The following HMGCLL1 variants were observed in gnomAD, a reference collection of about 807,000 sequenced individuals.
HMGCLL1 encodes 3-hydroxymethyl-3-methylglutaryl-CoA lyase, cytoplasmic.
HMGCLL1 carries 36 observed loss-of-function variants against 39.1 expected under a neutral mutation model. That is an observed-to-expected ratio of 0.92 (90% CI 0.71 to 1.22). The LOEUF is 1.22. Among genes scored for constraint, HMGCLL1 ranks in the 50% most tolerant of loss-of-function variants. HMGCLL1 has a pLI of 0.00. For synonymous variants in HMGCLL1, 149 were observed against 144.0 expected (o/e 1.03, Z -0.25); for missense variants, 451 against 416.5 (o/e 1.08, Z -0.72).
At chr6:55,655,203 T>C in the HMGCLL1 span, among the ~76,000 whole-genome samples, 1 of 152,000 alleles carries the variant, frequency 6.6e-6, no homozygotes, top group African/African-American at 2.4e-5. Context: ...ATCTTTCTAC[T>C]TATTTCATTT....
intron 7 of HMGCLL1, among the ~76,000 whole-genome samples, chr6:55,477,027 C>A (rs1240086713): frequency 9.4e-6 from 1 of 106,584 alleles, no homozygotes; most frequent in Non-Finnish European, 2.1e-5. Flanking sequence ...TGGGTATATA[C>A]CCAGTAATGG....
chr6:55,440,032 T>A (rs570128838), intron 7 of HMGCLL1, among the ~76,000 whole-genome samples: 1 of 152,072 alleles, frequency 6.6e-6, no homozygotes, highest in South Asian at 2.1e-4. Flanking sequence ...TGAAATAGGG[T>A]TTTGTGGGCT....
At chr6:55,542,973 T>A (rs1227481897) in intron 1 of HMGCLL1, among the ~76,000 whole-genome samples, 6 of 111,694 alleles carry the variant, frequency 5.4e-5, no homozygotes, top group African/African-American at 2.4e-4. Flanking sequence ...ATAATATATA[T>A]TATAAATAAT....
intron 3 of HMGCLL1, among the ~76,000 whole-genome samples, chr6:55,519,176 GA>G (rs1767903298): frequency 6.6e-6 from 1 of 152,082 alleles, no homozygotes; most frequent in African/African-American, 2.4e-5. Flanking sequence ...TGGGTGTTGA[GA>G]AAGGAGAAGA....
chr6:55,599,474 C>T, the HMGCLL1 span, among the ~76,000 whole-genome samples: 1 of 152,010 alleles, frequency 6.6e-6, no homozygotes, highest in Non-Finnish European at 1.5e-5. Flanking sequence ...GAAGATTATC[C>T]TTCCATATTG....
At chr6:55,585,291 G>T in the HMGCLL1 span, among the ~76,000 whole-genome samples, 1 of 152,054 alleles carries the variant, frequency 6.6e-6, no homozygotes. Context: ...TAATTCAGAA[G>T]GATCCAAAAG....
intron 4 of HMGCLL1, among the ~76,000 whole-genome samples, chr6:55,514,661 G>T (rs1424495711): frequency 6.6e-6 from 1 of 151,738 alleles, no homozygotes; most frequent in Non-Finnish European, 1.5e-5. Context: ...TTTAGATTTT[G>T]CCCCCAGTTT....
chr6:55,490,218 T>C (rs749737682), intron 7 of HMGCLL1, among the ~76,000 whole-genome samples: 2 of 152,104 alleles, frequency 1.3e-5, no homozygotes, highest in Non-Finnish European at 2.9e-5. Flanking sequence ...CTTGGTCCAG[T>C]GAGCTGTGAC....
chr6:55,585,684 A>G, the HMGCLL1 span, among the ~76,000 whole-genome samples: 29 of 152,084 alleles, frequency 1.9e-4, no homozygotes, highest in Admixed American at 1.6e-3. Flanking sequence ...CCTTTATTGA[A>G]TCAAATTCAT....
In HMGCLL1 at chr6:55,579,168, G is replaced by GTCCTCACAGCCAGTGCA; in HGVS notation, c.-114_-113insTGCACTGGCTGTGAGGA. On this transcript the variant is annotated 5_prime_UTR_variant, in exon 1 of 9. Transcript: ENST00000274901. ...GGGAGCGCGCCCCTCCGGTGCACTG[G>GTCCTCACAGCCAGTGCA]CTGTGAGGACCAGAGCTGTTCTGCG... The GTCCTCACAGCCAGTGCA allele has an allele frequency of 1.3e-6, 1 of 789,836 alleles. No individual in the cohort carries two copies. Among genetic ancestry groups the GTCCTCACAGCCAGTGCA allele is most frequent in the South Asian group, 1.5e-5 (1 of 65,252 alleles). The allele number at this position is 789,836 out of a possible 1,614,324, so 48.9% of individuals were successfully genotyped here. A position where few individuals can be genotyped will look rare whatever the true frequency, so the allele number is the denominator to read the frequency against.
At chr6:55,540,606 G>A (rs1051586081) in intron 3 of HMGCLL1, among the ~76,000 whole-genome samples, 3 of 152,136 alleles carry the variant, frequency 2.0e-5, no homozygotes, top group Non-Finnish European at 4.4e-5. Flanking sequence ...TTCTCCTGCT[G>A]TTTAAGTCAC....
chr6:55,478,332 C>G (rs916713091), intron 7 of HMGCLL1, among the ~76,000 whole-genome samples: 5 of 151,214 alleles, frequency 3.3e-5, no homozygotes, highest in African/African-American at 1.2e-4. Flanking sequence ...TCAATAAAGG[C>G]TTTCGAACAG....
chr6:55,589,636 T>C, the HMGCLL1 span, among the ~76,000 whole-genome samples: 1 of 152,138 alleles, frequency 6.6e-6, no homozygotes, highest in African/African-American at 2.4e-5. Context: ...ATCACATGAT[T>C]GTATATCTAG....
chr6:55,607,989 T>A, the HMGCLL1 span, among the ~76,000 whole-genome samples: 54 of 152,170 alleles, frequency 3.5e-4, no homozygotes, highest in Non-Finnish European at 1.8e-4. Flanking sequence ...TGAAAAAAAA[T>A]AAATACTTCT....
intron 1 of HMGCLL1, among the ~76,000 whole-genome samples, chr6:55,546,182 C>T (rs1411019443): frequency 6.6e-6 from 1 of 152,072 alleles, no homozygotes; most frequent in Non-Finnish European, 1.5e-5. Context: ...TTATTAACTC[C>T]ATTAATATCC....
chr6:55,531,804 G>A (rs974911556), intron 3 of HMGCLL1, among the ~76,000 whole-genome samples: 1 of 152,142 alleles, frequency 6.6e-6, no homozygotes, highest in Non-Finnish European at 1.5e-5. Context: ...GATCTAGGTT[G>A]TTCACTCCTC....
At chr6:55,677,989 G>A in the HMGCLL1 span, among the ~76,000 whole-genome samples, 1 of 152,134 alleles carries the variant, frequency 6.6e-6, no homozygotes, top group Admixed American at 6.6e-5. Context: ...GGCATTCAGT[G>A]AGACTGTGTC....
chr6:55,553,831 A>G (rs929529257), intron 1 of HMGCLL1, among the ~76,000 whole-genome samples: 1 of 152,242 alleles, frequency 6.6e-6, no homozygotes, highest in Non-Finnish European at 1.5e-5. Context: ...CATTGTTGAT[A>G]GTAGAGCAGA....
the HMGCLL1 span, among the ~76,000 whole-genome samples, chr6:55,665,898 G>T: frequency 6.6e-6 from 1 of 151,658 alleles, no homozygotes; most frequent in Non-Finnish European, 1.5e-5. Flanking sequence ...AAGATAAAAT[G>T]ATATACCTAC....
Sources: allele counts gnomAD v4.1 joint callset (sites outside exome capture counted in the v4.1 genomes callset), GRCh38; gene constraint gnomAD v4.1.1; transcripts MANE v1.5; gene names NCBI Gene and HGNC (gene_info 2026-07-23, HGNC 2026-07-21).